The following DSE variants were observed in gnomAD, a reference collection of about 807,000 sequenced individuals.
The protein encoded by DSE is dermatan sulfate epimerase.
A neutral mutation model predicts 84.4 loss-of-function variants in DSE; 36 were observed. The ratio of observed to expected loss-of-function variants is 0.43; its 90% CI spans 0.33 to 0.56. The LOEUF is 0.56. DSE is among the 20% of genes least tolerant of loss of function. DSE has a pLI of 0.06. For missense variants in DSE, 862 were observed against 1,169.6 expected, an observed-to-expected ratio of 0.74 and a Z score of 3.84; for synonymous variants, 410 against 430.1, an observed-to-expected ratio of 0.95 and a Z score of 0.58.
At chr6:116,354,214 G>A (rs765647193) in intron 2 of DSE, among the ~76,000 whole-genome samples, 14 of 152,180 alleles carry the variant, frequency 9.2e-5, no homozygotes, top group Non-Finnish European at 8.8e-5. Flanking sequence ...TAACTCTAAT[G>A]AGCAAAATCC....
At chr6:116,255,113 C>T (rs1194307599) in intron 1 of DSE, 1 of 152,048 alleles carries the variant, frequency 6.6e-6, no homozygotes, top group Admixed American at 6.5e-5. Flanking sequence ...GGTGTTAATC[C>T]TTAGAAAAAT....
In DSE at chr6:116,435,896, G is replaced by A. The variant is rs1554228114; in HGVS notation, c.1428G>A (p.Lys476=). The A allele has an allele frequency of 3.7e-6, 6 of 1,614,132 alleles. No homozygotes were observed. The South Asian group carries it at 6.6e-5, about 18-fold the overall frequency. The part of the protein sequence containing the change: ...PFITEALYGP[K]YTFFNNVLMF... ...TTACTGAGGCTCTGTACGGGCCAAAGTACACCTTCTTCAACAATGTTTTGA... is the reference window on the plus strand; with the variant it reads ...TTACTGAGGCTCTGTACGGGCCAAAATACACCTTCTTCAACAATGTTTTGA... Residue 476 remains lysine (K), a synonymous_variant, in exon 6 of 6, where the codon AAG becomes AAA. Transcript: ENST00000644252.
rs746170827 is a variant in DSE, at chr6:116,431,016, G to T, written c.733G>T (p.Val245Phe). 1.2e-6 allele frequency: 2 copies of T among 1,614,106 alleles called. No homozygotes were observed. Among genetic ancestry groups the T allele is most frequent in the Admixed American group, 1.7e-5 (1 of 60,012 alleles). Residue 245 changes from valine to phenylalanine, a missense_variant, in exon 4 of 6, where the codon GTC (valine) becomes TTC (phenylalanine). By Grantham distance (50) the Val-to-Phe change is conservative. Coordinates refer to ENST00000644252, the MANE Select transcript of DSE (RefSeq NM_013352.4). ...TCTGACCATCATGGAGAAATCTCTG[G>T]TCTTGCTCAGGGAGGTGACGGATGG... ...QVLTIMEKSL[V>F]LLREVTDGSL...
intron 2 of DSE, among the ~76,000 whole-genome samples, chr6:116,316,891 C>G (rs1487199914): frequency 1.3e-5 from 2 of 149,336 alleles, no homozygotes; most frequent in African/African-American, 5.1e-5. Flanking sequence ...GTGCAGGTAC[C>G]TTAGCTCATT....
intron 3 of DSE, among the ~76,000 whole-genome samples, chr6:116,428,461 A>G (rs1031918135): frequency 2.0e-5 from 3 of 152,212 alleles, no homozygotes; most frequent in Admixed American, 6.5e-5. Flanking sequence ...CATTATTCCA[A>G]ATAATAAGCA....
At chr6:116,430,824 G>A (rs1286729513) in intron 3 of DSE, 130 bp from the exon 4 acceptor site, 3 of 1,257,610 alleles carry the variant, frequency 2.4e-6, no homozygotes, top group African/African-American at 1.5e-5. Flanking sequence ...ACACTGACAA[G>A]TTGGAGTTTT....
chr6:116,319,239 G>A (rs947665436), intron 2 of DSE, among the ~76,000 whole-genome samples: 5 of 152,198 alleles, frequency 3.3e-5, no homozygotes, highest in East Asian at 1.9e-4. Flanking sequence ...ATTAGTCAGA[G>A]TAGATAGGTT....
At chr6:116,374,547 C>T (rs989641644) in intron 1 of DSE, among the ~76,000 whole-genome samples, 2 of 152,134 alleles carry the variant, frequency 1.3e-5, no homozygotes, top group African/African-American at 4.8e-5. Context: ...TACTCTATTT[C>T]CTATTGTTTA....
At chr6:116,274,560 A>G (rs768831595) in intron 2 of DSE, among the ~76,000 whole-genome samples, 2 of 152,036 alleles carry the variant, frequency 1.3e-5, no homozygotes, top group Non-Finnish European at 2.9e-5. Flanking sequence ...AGCCTGAGCA[A>G]CAAGAGCAAA....
At chr6:116,361,669 T>TTG (rs1401432598) in intron 2 of DSE, among the ~76,000 whole-genome samples, 3 of 151,782 alleles carry the variant, frequency 2.0e-5, no homozygotes, top group Non-Finnish European at 2.9e-5. Context: ...AAAGAAAAAT[T>TTG]TGTGTGTGTG....
At chr6:116,419,972 G>A (rs1395331216) in intron 2 of DSE, among the ~76,000 whole-genome samples, 2 of 152,116 alleles carry the variant, frequency 1.3e-5, no homozygotes, top group Non-Finnish European at 2.9e-5. Flanking sequence ...ATGTAGATTT[G>A]CCTATACTGT....
intron 2 of DSE, among the ~76,000 whole-genome samples, chr6:116,329,947 C>T (rs755087013): frequency 3.9e-5 from 6 of 152,194 alleles, no homozygotes; most frequent in Non-Finnish European, 7.3e-5. Context: ...CCTCAGCCTC[C>T]CGGGTAGCTG....
intron 2 of DSE, among the ~76,000 whole-genome samples, chr6:116,421,938 C>A (rs1400561975): frequency 6.6e-6 from 1 of 152,084 alleles, no homozygotes; most frequent in Non-Finnish European, 1.5e-5. Context: ...TTTTAATAAT[C>A]TTTTCAAATA....
intron 2 of DSE, among the ~76,000 whole-genome samples, chr6:116,405,284 C>T (rs995326355): frequency 5.9e-5 from 9 of 152,038 alleles, no homozygotes; most frequent in African/African-American, 1.7e-4. Flanking sequence ...AATCAAAAGC[C>T]GGGAGAATGT....
At chr6:116,303,026 A>T (rs968325964) in intron 2 of DSE, among the ~76,000 whole-genome samples, 1 of 152,184 alleles carries the variant, frequency 6.6e-6, no homozygotes, top group African/African-American at 2.4e-5. Context: ...TACCTGTACC[A>T]TGCAAAATCA....
chr6:116,402,906 G>T (rs537387695), intron 2 of DSE, among the ~76,000 whole-genome samples: 1 of 152,270 alleles, frequency 6.6e-6, no homozygotes, highest in East Asian at 1.9e-4. Flanking sequence ...TATTAATGGG[G>T]TTCATTTCAT....
chr6:116,409,453 A>C (rs947627530), intron 2 of DSE, among the ~76,000 whole-genome samples: 1 of 151,576 alleles, frequency 6.6e-6, no homozygotes, highest in Admixed American at 6.6e-5. Flanking sequence ...AATTTTTTGT[A>C]TTTTTTTAGT....
Position 116,338,376 on chromosome 6 carries a change from C to T in DSE, c.-53-60822C>T, listed in dbSNP as rs140749734. ...TAGCTGGGAATACAGGTGCCTGCCA[C>T]CAAGCCAAGATAATTTTTTGTATTT... On this transcript the variant is annotated intron_variant, in intron 2 of 3. Coordinates refer to the DSE transcript ENST00000430252. Among the ~76,000 whole-genome samples, 1,043 of 151,872 alleles carry T rather than the reference C, an allele frequency of 6.9e-3. 22 individuals are homozygous for T. Among genetic ancestry groups the T allele is most frequent in the South Asian group, 0.056 (268 of 4,796 alleles).
chr6:116,381,052 C>A (rs563630648), intron 1 of DSE, among the ~76,000 whole-genome samples: 7 of 152,216 alleles, frequency 4.6e-5, no homozygotes, highest in Admixed American at 4.6e-4. Context: ...TTTATTCTAT[C>A]ATTTTATAAG....
Sources: gnomAD v4.1 joint callset for allele counts (sites outside exome capture counted in the v4.1 genomes callset) on GRCh38, gnomAD v4.1.1 for gene constraint, MANE v1.5 for transcripts, NCBI Gene and HGNC (gene_info 2026-07-23, HGNC 2026-07-21) for gene names.